The following PSIP1 variants were observed in gnomAD, a reference collection of about 807,000 sequenced individuals.
PSIP1 encodes the protein PC4 and SRSF1 interacting protein 1, also known as PC4 and SFRS1-interacting protein.
In PSIP1, 19 loss-of-function variants were observed where a neutral mutation model predicts 74.7. The observed-to-expected ratio is 0.25, with a 90% CI of 0.18 to 0.37. The LOEUF (loss-of-function observed/expected upper bound fraction) is 0.37, where lower values mean the gene tolerates loss of function less well. PSIP1 is among the 10% of genes least tolerant of loss of function. PSIP1 has a pLI of 1.00. For missense variants in PSIP1, 601 were observed against 614.3 expected, an observed-to-expected ratio of 0.98 and a Z score of 0.23; for synonymous variants, 222 against 195.3, an observed-to-expected ratio of 1.14 and a Z score of -1.14.
intron 3 of PSIP1, among the ~76,000 whole-genome samples, chr9:15,502,218 A>T (rs905635487): frequency 6.6e-6 from 1 of 152,146 alleles, no homozygotes; most frequent in Non-Finnish European, 1.5e-5. Flanking sequence ...CACTTATAAT[A>T]CCTAATACAA....
At chr9:15,504,379 G>A (rs2037486339) in intron 3 of PSIP1, among the ~76,000 whole-genome samples, 1 of 152,106 alleles carries the variant, frequency 6.6e-6, no homozygotes, top group African/African-American at 2.4e-5. Context: ...TTAAATGCAG[G>A]AGAAGGGATA....
chr9:15,466,605 G>C (rs1424232359), intron 15 of PSIP1, 143 bp downstream of exon 15: 5 of 608,570 alleles, frequency 8.2e-6, no homozygotes, highest in Non-Finnish European at 1.3e-5. Context: ...CTTCCTTTTT[G>C]AATTGTAACT....
intron 3 of PSIP1, among the ~76,000 whole-genome samples, chr9:15,497,619 C>T (rs2037144467): frequency 6.6e-6 from 1 of 151,940 alleles, no homozygotes; most frequent in South Asian, 2.1e-4. Context: ...GCCACCGCGC[C>T]CGGCTGATTC....
chr9:15,474,944 A>T (rs2036011280), intron 8 of PSIP1, among the ~76,000 whole-genome samples: 1 of 152,226 alleles, frequency 6.6e-6, no homozygotes, highest in Admixed American at 6.5e-5. Flanking sequence ...ATTTTCGCAA[A>T]TTATTCAATT....
intron 6 of PSIP1, among the ~76,000 whole-genome samples, chr9:15,480,287 T>C (rs963480883): frequency 6.6e-6 from 1 of 152,076 alleles, no homozygotes; most frequent in Non-Finnish European, 1.5e-5. Flanking sequence ...GAGGCAGCAG[T>C]TGGTACTGAT....
chr9:15,489,921 G>C lies in PSIP1; in HGVS notation c.288+65C>G, dbSNP rs147922822. ...GGCTTTTAGTATTTACTTTCCTACA[G>C]CTAGGATAGTGATTATTCCCCAGGA... On this transcript the variant is annotated intron_variant, in intron 4 of 15. Transcript: ENST00000380733. 5 of 1,298,356 alleles carry C rather than the reference G, an allele frequency of 3.9e-6. No homozygotes were observed. In the East Asian group the frequency reaches 7.7e-5, roughly 20 times the overall value. The allele number at this position is 1,298,356 out of a possible 1,614,324, so 80.4% of individuals were successfully genotyped here.
intron 2 of PSIP1, 45 bp downstream of exon 2, chr9:15,510,072 A>G: frequency 6.4e-7 from 1 of 1,550,458 alleles, no homozygotes; most frequent in South Asian, 1.2e-5. Context: ...AGGCCTCTGG[A>G]GAGGAGGGTA....
chr9:15,507,273 A>G (rs2037636785), intron 2 of PSIP1, among the ~76,000 whole-genome samples: 1 of 152,218 alleles, frequency 6.6e-6, no homozygotes, highest in African/African-American at 2.4e-5. Context: ...CACGTCTAAT[A>G]TATCCATAAT....
rs2132018381 is a variant in PSIP1, at chr9:15,464,294, G to A, written c.*1226C>T. The A allele has an allele frequency of 5.1e-6, 1 of 194,546 alleles. No homozygotes were observed. The highest frequency in any genetic ancestry group is 6.1e-5 in the Admixed American group (1 of 16,364). 12.1% of individuals were successfully genotyped at this position (194,546 alleles called of 1,614,324 possible). A position where few individuals can be genotyped will look rare whatever the true frequency, so the allele number is the denominator to read the frequency against. ...TATCTCAGAGGGTCAACCACACAAT[G>A]TCATACAGAGACGCTGGTCTTAAGC... is the stretch of plus-strand genomic sequence containing the variant. On this transcript the variant is annotated 3_prime_UTR_variant, in exon 16 of 16. Transcript: ENST00000380733.
At chr9:15,509,441 A>C (rs1364781762) in intron 2 of PSIP1, among the ~76,000 whole-genome samples, 1 of 152,242 alleles carries the variant, frequency 6.6e-6, no homozygotes, top group Non-Finnish European at 1.5e-5. Flanking sequence ...GTACCACTAG[A>C]TGTGAACTGA....
Position 15,469,998 on chromosome 9 carries a change from CA to C in PSIP1, c.978-6del. On this transcript the variant is annotated splice_polypyrimidine_tract_variant and splice_region_variant and intron_variant, in intron 10 of 15. Coordinates refer to ENST00000380733, the MANE Select transcript of PSIP1 (RefSeq NM_033222.5). ...TTTCCTTCATCTTTATTCTGCCTAT[CA>C]AATGTTAACAAAAATATTTCAACAC... is the stretch of plus-strand genomic sequence containing the variant. The C allele has an allele frequency of 6.3e-7, 1 of 1,599,562 alleles. No individual in the cohort carries two copies. Among genetic ancestry groups the C allele is most frequent in the Non-Finnish European group, 8.5e-7 (1 of 1,172,772 alleles).
At chr9:15,475,869 T>C (rs1461547143) in intron 8 of PSIP1, among the ~76,000 whole-genome samples, 1 of 152,170 alleles carries the variant, frequency 6.6e-6, no homozygotes, top group African/African-American at 2.4e-5. Context: ...TATTTGTAAA[T>C]TTCTTAATCT....
intron 8 of PSIP1, among the ~76,000 whole-genome samples, chr9:15,476,997 CAAG>C (rs878913474): frequency 1.3e-5 from 2 of 152,086 alleles, no homozygotes; most frequent in Non-Finnish European, 2.9e-5. Context: ...AGCCAAAAGC[CAAG>C]AAGACAAACG....
Position 15,490,141 on chromosome 9 carries a change from G to A in PSIP1, c.150-17C>T, listed in dbSNP as rs774530553. Reference sequence around the variant, plus strand: ...AAAAAAGCACTAAAAAAGAAGTGGGGAAGATGTGAGTGCAAAGCAAGCTCA... The same window carrying A: ...AAAAAAGCACTAAAAAAGAAGTGGGAAAGATGTGAGTGCAAAGCAAGCTCA... On this transcript the variant is annotated splice_polypyrimidine_tract_variant and intron_variant, in intron 3 of 15. Coordinates refer to ENST00000380733, the MANE Select transcript of PSIP1 (RefSeq NM_033222.5). 6.4e-7 allele frequency: 1 copy of A among 1,562,840 alleles called. No homozygotes were observed. The highest frequency in any genetic ancestry group is 8.6e-7 in the Non-Finnish European group (1 of 1,159,840).
At chr9:15,472,566 A>G (rs2035885371) in intron 10 of PSIP1, 66 bp downstream of exon 10, 1 of 1,530,262 alleles carries the variant, frequency 6.5e-7, no homozygotes, top group Admixed American at 2.4e-5. Flanking sequence ...ATGAAAGTCT[A>G]TTATTTAAAA....
intron 3 of PSIP1, among the ~76,000 whole-genome samples, chr9:15,499,631 T>C (rs2037238812): frequency 1.3e-5 from 2 of 152,064 alleles, no homozygotes; most frequent in Admixed American, 6.6e-5. Context: ...CCCAACACTT[T>C]AGGAGGCTGA....
At chr9:15,508,690 C>T (rs2037711800) in intron 2 of PSIP1, among the ~76,000 whole-genome samples, 1 of 152,134 alleles carries the variant, frequency 6.6e-6, no homozygotes, top group Non-Finnish European at 1.5e-5. Context: ...GGCCTTAAAC[C>T]TGATCAGTTT....
intron 2 of PSIP1, among the ~76,000 whole-genome samples, chr9:15,507,854 C>A (rs1236451225): frequency 6.6e-6 from 1 of 152,170 alleles, no homozygotes; most frequent in African/African-American, 2.4e-5. Context: ...AAGGCTTTCA[C>A]ACACCAACAG....
chr9:15,473,696 T>G (rs1587466074), intron 9 of PSIP1, among the ~76,000 whole-genome samples: 1 of 149,270 alleles, frequency 6.7e-6, no homozygotes, highest in African/African-American at 2.5e-5. Flanking sequence ...AGATCAGGAG[T>G]TCAAGACCAG....
Sources: gnomAD v4.1 joint callset for allele counts (sites outside exome capture counted in the v4.1 genomes callset) on GRCh38, gnomAD v4.1.1 for gene constraint, MANE v1.5 for transcripts, NCBI Gene and HGNC (gene_info 2026-07-23, HGNC 2026-07-21) for gene names.